The following FCHSD2 variants were observed in gnomAD, a reference collection of about 807,000 sequenced individuals.
The protein encoded by FCHSD2 is F-BAR and double SH3 domains protein 2.
FCHSD2 carries 38 observed loss-of-function variants against 108.1 expected under a neutral mutation model. The ratio of observed to expected loss-of-function variants is 0.35; its 90% confidence interval spans 0.27 to 0.46. The LOEUF (loss-of-function observed/expected upper bound fraction) is 0.46, where lower values mean the gene tolerates loss of function less well. FCHSD2 is among the 20% of genes least tolerant of loss of function. The pLI, the probability that FCHSD2 is intolerant of heterozygous loss-of-function variation, is 1.00. For synonymous variants in FCHSD2, 279 were observed against 314.7 expected, an observed-to-expected ratio of 0.89 and a Z score of 1.20; for missense variants, 751 against 897.8, an observed-to-expected ratio of 0.84 and a Z score of 2.09.
At chr11:73,000,456 G>C (rs926370762) in intron 5 of FCHSD2, among the ~76,000 whole-genome samples, 1 of 151,984 alleles carries the variant, frequency 6.6e-6, no homozygotes, top group African/African-American at 2.4e-5. Flanking sequence ...TTTTATTTCT[G>C]TGTAATAAAA....
chr11:73,000,901 T>A (rs1363023667), intron 5 of FCHSD2, 89 bp downstream of exon 5: 1 of 1,187,258 alleles, frequency 8.4e-7, no homozygotes, highest in African/African-American at 1.5e-5. Flanking sequence ...GACCATATAG[T>A]TTTAAATAAA....
At chr11:73,035,147 T>TG (rs1471052979) in intron 3 of FCHSD2, among the ~76,000 whole-genome samples, 70 of 147,160 alleles carry the variant, frequency 4.8e-4, no homozygotes, top group Non-Finnish European at 8.4e-4. Flanking sequence ...TTAGTTTTTA[T>TG]TTTTATGTAT....
intron 3 of FCHSD2, among the ~76,000 whole-genome samples, chr11:73,043,259 T>C (rs559374414): frequency 3.2e-4 from 49 of 152,310 alleles, no homozygotes; most frequent in Admixed American, 6.5e-4. Flanking sequence ...GATTTTATCA[T>C]GAAGGAATTT....
chr11:72,960,779 A>T (rs1210659953), intron 8 of FCHSD2, among the ~76,000 whole-genome samples: 1 of 152,154 alleles, frequency 6.6e-6, no homozygotes, highest in African/African-American at 2.4e-5. Flanking sequence ...ATAATAAAGA[A>T]CCCCAGGGTG....
At position 72,837,491 on chromosome 11, in the gene FCHSD2, C is replaced by T. The variant is rs997049591; in HGVS notation, c.*1300G>A. 1.3e-5 allele frequency: 2 copies of T among 152,064 alleles called. No individual in the cohort carries two copies. Among genetic ancestry groups the T allele is most frequent in the Middle Eastern group, 3.4e-3 (1 of 294 alleles). 9.4% of individuals were successfully genotyped at this position (152,064 alleles called of 1,614,324 possible). ...AAAAAAAAAAAAAACAAACCACAAC[C>T]GGCGAACATCCCTTAGTCCCTAGGT... On this transcript the variant is annotated 3_prime_UTR_variant, in exon 20 of 20. Transcript: ENST00000409418.
intron 8 of FCHSD2, among the ~76,000 whole-genome samples, chr11:72,950,075 G>A (rs1006528735): frequency 1.9e-4 from 29 of 152,058 alleles, no homozygotes; most frequent in African/African-American, 6.0e-4. Flanking sequence ...TCATCCTAGC[G>A]GATGTGAAGT....
In FCHSD2 at chr11:72,887,567, T is replaced by G. The variant is rs368407877; in HGVS notation, c.1049A>C (p.Asn350Thr). The G allele has an allele frequency of 3.8e-6, 6 of 1,561,902 alleles. No homozygotes were observed. The highest frequency in any genetic ancestry group is 1.4e-5 in the African/African-American group (1 of 71,732). Residue 350 changes from asparagine (N) to threonine (T), a missense_variant, in exon 12 of 20, where the codon AAT becomes ACT. Asn to Thr is a moderately conservative substitution (Grantham distance 65, BLOSUM62 0). Transcript: ENST00000409418. ...KNIVHQQRVL[N>T]DLECHGAAVS... is the part of the protein sequence containing the mutation. ...AGCAGCTCCATGACACTCCAGATCA[T>G]TTAGAACCTATTAAAGAAAATGGGA...
At chr11:73,118,101 G>A (rs1304489949) in intron 2 of FCHSD2, among the ~76,000 whole-genome samples, 1 of 152,108 alleles carries the variant, frequency 6.6e-6, no homozygotes, top group Non-Finnish European at 1.5e-5. Flanking sequence ...CAGATCACTG[G>A]AGGTCACGCA....
intron 2 of FCHSD2, among the ~76,000 whole-genome samples, chr11:73,103,995 T>C (rs924132429): frequency 6.6e-6 from 1 of 152,230 alleles, no homozygotes; most frequent in African/African-American, 2.4e-5. Context: ...CAAATACTAA[T>C]ACAAAAATAC....
rs1855978857 is a variant in FCHSD2 at position 72,921,728 on chromosome 11, C to T, written c.828+100G>A. 4 of 906,286 alleles carry T rather than the reference C, an allele frequency of 4.4e-6. No homozygotes were observed. The East Asian group carries it at 7.8e-5, about 18-fold the overall frequency. The allele number at this position is 906,286 out of a possible 1,614,324, so 56.1% of individuals were successfully genotyped here. Reference sequence around the variant, plus strand: ...TTACCAGGAAATTTGTTCGTTAATGCATTCTTCTAATATCACTAGTACCTT... The same window carrying T: ...TTACCAGGAAATTTGTTCGTTAATGTATTCTTCTAATATCACTAGTACCTT... On this transcript the variant is annotated intron_variant, in intron 9 of 19. Coordinates refer to ENST00000409418, the MANE Select transcript of FCHSD2 (RefSeq NM_014824.3).
chr11:72,989,849 A>C (rs1857377404), intron 5 of FCHSD2, among the ~76,000 whole-genome samples: 1 of 152,232 alleles, frequency 6.6e-6, no homozygotes, highest in African/African-American at 2.4e-5. Flanking sequence ...GAGCAGTTAC[A>C]TCTAAAAACT....
chr11:73,027,063 T>C (rs1427230249), intron 3 of FCHSD2, among the ~76,000 whole-genome samples: 1 of 152,074 alleles, frequency 6.6e-6, no homozygotes, highest in African/African-American at 2.4e-5. Context: ...ACATGGCGTA[T>C]TTCTATAAAA....
In FCHSD2 at chr11:72,963,328, C is replaced by T. The variant is rs372391210; in HGVS notation, c.705+20760G>A. ...CTGGCAAAGTAGTGAGCATTTACTA[C>T]GCACTATCTCATTTAGATTTCCTAA... On this transcript the variant is annotated intron_variant, in intron 8 of 19. Transcript: ENST00000409418. Among the ~76,000 whole-genome samples the T allele has an allele frequency of 2.8e-4, 42 of 152,240 alleles. No homozygotes were observed. In the South Asian group the frequency reaches 2.9e-3, roughly 11 times the overall value.
intron 3 of FCHSD2, among the ~76,000 whole-genome samples, chr11:73,066,149 T>A (rs1157622659): frequency 6.6e-6 from 1 of 151,936 alleles, no homozygotes; most frequent in Non-Finnish European, 1.5e-5. Flanking sequence ...CCAAAACAGA[T>A]ACATAGACCA....
chr11:73,104,511 C>A (rs1216527571), intron 2 of FCHSD2, among the ~76,000 whole-genome samples: 4 of 152,040 alleles, frequency 2.6e-5, no homozygotes, highest in Non-Finnish European at 5.9e-5. Context: ...CTCAAGTGAT[C>A]CAGCCTCCCA....
chr11:73,136,778 C>T (rs954768874), intron 2 of FCHSD2, among the ~76,000 whole-genome samples: 1 of 152,126 alleles, frequency 6.6e-6, no homozygotes, highest in Non-Finnish European at 1.5e-5. Flanking sequence ...GCCTGTAATC[C>T]TAGCACTTTG....
At chr11:73,090,504 C>T (rs1025581639) in intron 2 of FCHSD2, among the ~76,000 whole-genome samples, 5 of 152,146 alleles carry the variant, frequency 3.3e-5, no homozygotes, top group Non-Finnish European at 4.4e-5. Flanking sequence ...GGATTACAGG[C>T]GTGAGCCACC....
At chr11:72,970,101 A>G (rs1856981543) in intron 8 of FCHSD2, among the ~76,000 whole-genome samples, 1 of 152,248 alleles carries the variant, frequency 6.6e-6, no homozygotes, top group African/African-American at 2.4e-5. Context: ...AAGTGGTTTG[A>G]AAAAGAAAAC....
intron 3 of FCHSD2, among the ~76,000 whole-genome samples, chr11:73,074,930 A>G (rs1379178035): frequency 6.6e-6 from 1 of 152,104 alleles, no homozygotes; most frequent in African/African-American, 2.4e-5. Flanking sequence ...ACGGACAGAC[A>G]GTGGGGAGGG....
Sources: allele counts gnomAD v4.1 joint callset (sites outside exome capture counted in the v4.1 genomes callset), GRCh38; gene constraint gnomAD v4.1.1; transcripts MANE v1.5; gene names NCBI Gene and HGNC (gene_info 2026-07-23, HGNC 2026-07-21).